The following PACS1 variants were observed in gnomAD, a reference collection of about 807,000 sequenced individuals.
The protein encoded by PACS1 is phosphofurin acidic cluster sorting protein 1.
PACS1 carries 24 observed loss-of-function variants against 115.0 expected under a neutral mutation model. The ratio of observed to expected loss-of-function variants is 0.21; its 90% CI spans 0.15 to 0.29. PACS1 has a LOEUF of 0.29. Ranked by LOEUF, PACS1 falls within the 10% of genes least tolerant of loss-of-function variation. The probability of loss-of-function intolerance (pLI) is 1.00; values close to 1 mark genes in which losing one functional copy is unlikely to be tolerated. For synonymous variants in PACS1, 453 were observed against 504.5 expected, an observed-to-expected ratio of 0.90 and a Z score of 1.37; for missense variants, 838 against 1,251.2, an observed-to-expected ratio of 0.67 and a Z score of 4.98.
At chr11:66,134,125 C>T (rs956204476) in intron 1 of PACS1, among the ~76,000 whole-genome samples, 1 of 152,006 alleles carries the variant, frequency 6.6e-6, no homozygotes, top group African/African-American at 2.4e-5. Context: ...TCCCCATTAG[C>T]GTAATTCCCC....
chr11:66,109,033 C>T (rs1005828111), intron 1 of PACS1, among the ~76,000 whole-genome samples: 1 of 152,182 alleles, frequency 6.6e-6, no homozygotes, highest in Non-Finnish European at 1.5e-5. Flanking sequence ...CAAGTGATAC[C>T]TCTTTGACTG....
rs200066946 is a variant in PACS1, at chr11:66,170,909, CA to C, written c.357-22561del. Among the ~76,000 whole-genome samples the C allele has an allele frequency of 0.018, 1,687 of 94,374 alleles. 81 individuals carry two copies. In the East Asian group the frequency reaches 0.22, roughly 12 times the overall value. 61.9% of individuals were successfully genotyped at this position (94,374 alleles called of 152,430 possible). A position where few individuals can be genotyped will look rare whatever the true frequency, so the allele number is the denominator to read the frequency against. ...TGGTTGACAGAAAAAAACCCTGTCT[CA>C]AAAAAAAAAAAAAAAGGAAATTTGT... On this transcript the variant is annotated intron_variant, in intron 1 of 23. Coordinates refer to ENST00000320580, the MANE Select transcript of PACS1 (RefSeq NM_018026.4).
chr11:66,219,691 T>TG (rs2134716318), intron 7 of PACS1, 55 bp from the exon 8 acceptor site: 1 of 1,367,946 alleles, frequency 7.3e-7, no homozygotes, highest in East Asian at 2.3e-5. Flanking sequence ...TTTATTGACT[T>TG]GAATTGACCC....
rs1489964600 is a variant in PACS1 at position 66,116,574 on chromosome 11, T to C, written c.356+45732T>C. On this transcript the variant is annotated intron_variant, in intron 1 of 23. Coordinates refer to ENST00000320580, the MANE Select transcript of PACS1 (RefSeq NM_018026.4). ...TTTGGAAATAGAGTGGTGAACAAAA[T>C]AGATGAACATCTCTGCCTTCATAGA... Among the ~76,000 whole-genome samples the C allele has an allele frequency of 2.6e-5, 4 of 152,188 alleles. No individual in the cohort carries two copies. In the East Asian group the frequency reaches 5.8e-4, roughly 22 times the overall value.
intron 1 of PACS1, among the ~76,000 whole-genome samples, chr11:66,081,562 G>A (rs1023646833): frequency 1.3e-4 from 20 of 152,168 alleles, no homozygotes; most frequent in Non-Finnish European, 2.5e-4. Flanking sequence ...CAAACCCCAA[G>A]CTTATTAGAC....
chr11:66,092,092 G>A (rs1466633651), intron 1 of PACS1, among the ~76,000 whole-genome samples: 4 of 152,074 alleles, frequency 2.6e-5, no homozygotes, highest in African/African-American at 2.4e-5. Flanking sequence ...CTGAGGAATC[G>A]CCACATTGAC....
At chr11:66,133,256 C>G (rs1243128478) in intron 1 of PACS1, among the ~76,000 whole-genome samples, 1 of 152,148 alleles carries the variant, frequency 6.6e-6, no homozygotes, top group Non-Finnish European at 1.5e-5. Context: ...TTATTTGTTG[C>G]ATTTATTCAT....
chr11:66,089,043 T>A (rs1857616379), intron 1 of PACS1, among the ~76,000 whole-genome samples: 1 of 152,218 alleles, frequency 6.6e-6, no homozygotes, highest in African/African-American at 2.4e-5. Context: ...GACTCTTTTT[T>A]AAGCTGTAGG....
intron 2 of PACS1, among the ~76,000 whole-genome samples, chr11:66,210,067 G>A (rs1855035423): frequency 6.6e-6 from 1 of 151,116 alleles, no homozygotes; most frequent in Non-Finnish European, 1.5e-5. Context: ...GTCTCTCTCT[G>A]TCACCCAGGC....
At position 66,234,163 on chromosome 11, in the gene PACS1, A is replaced by G. The variant is rs1171391440; in HGVS notation, c.2025A>G (p.Ser675=). 1 of 1,613,990 alleles carries G rather than the reference A, an allele frequency of 6.2e-7. No individual in the cohort carries two copies. ...GSHPVAKYLG[S]VDSKYSSSFL... is the part of the protein sequence containing the mutation. ...ACCCTGTGGCCAAATACTTGGGGTC[A>G]GTCGACAGTAAATACAGTAGTTCCT... is the stretch of plus-strand genomic sequence containing the variant. Residue 675 remains serine, a synonymous_variant, in exon 17 of 24, where the codon TCA becomes TCG. Transcript: ENST00000320580.
chr11:66,153,707 G>A (rs749882423), intron 1 of PACS1, among the ~76,000 whole-genome samples: 14 of 152,136 alleles, frequency 9.2e-5, no homozygotes, highest in Non-Finnish European at 1.6e-4. Flanking sequence ...CGTGAACCCG[G>A]GAGACGGAGC....
At chr11:66,218,697 T>TA (rs1413096875) in intron 7 of PACS1, 1 of 151,964 alleles carries the variant, frequency 6.6e-6, no homozygotes, top group African/African-American at 2.4e-5. Context: ...CCGTCTCTAC[T>TA]AAAAATACAA....
chr11:66,193,938 A>G (rs1854588919), intron 2 of PACS1, among the ~76,000 whole-genome samples: 1 of 152,126 alleles, frequency 6.6e-6, no homozygotes, highest in Non-Finnish European at 1.5e-5. Flanking sequence ...AGGTAGATGC[A>G]CGGGTATGGG....
At chr11:66,237,014 G>A (rs1329070932) in intron 19 of PACS1, among the ~76,000 whole-genome samples, 3 of 152,190 alleles carry the variant, frequency 2.0e-5, no homozygotes, top group African/African-American at 4.8e-5. Context: ...CGCCTCCCAG[G>A]TTCAAGTGAT....
chr11:66,131,504 C>G (rs1858702833), intron 1 of PACS1, among the ~76,000 whole-genome samples: 1 of 152,178 alleles, frequency 6.6e-6, no homozygotes, highest in Non-Finnish European at 1.5e-5. Flanking sequence ...ATGTCTTCTT[C>G]TGTCCCTCAT....
intron 1 of PACS1, among the ~76,000 whole-genome samples, chr11:66,165,942 G>T (rs892761266): frequency 6.6e-6 from 1 of 151,932 alleles, no homozygotes; most frequent in South Asian, 2.1e-4. Context: ...CCTGGGCCAC[G>T]CCACAGCCTC....
At chr11:66,194,740 A>G (rs1320030565) in intron 2 of PACS1, among the ~76,000 whole-genome samples, 1 of 152,196 alleles carries the variant, frequency 6.6e-6, no homozygotes, top group African/African-American at 2.4e-5. Context: ...AGCAAACTGT[A>G]TGATAACTCC....
intron 1 of PACS1, among the ~76,000 whole-genome samples, chr11:66,131,738 G>T (rs1208807225): frequency 6.6e-6 from 1 of 151,796 alleles, no homozygotes; most frequent in Non-Finnish European, 1.5e-5. Context: ...GACCAGCCTG[G>T]GCAACATAGC....
intron 1 of PACS1, among the ~76,000 whole-genome samples, chr11:66,096,653 G>T (rs11227405): frequency 9.2e-5 from 14 of 151,724 alleles, no homozygotes; most frequent in Non-Finnish European, 1.8e-4. Flanking sequence ...ACAGGCATGC[G>T]CCACCATGCC....
Sources: gnomAD v4.1 joint callset for allele counts (sites outside exome capture counted in the v4.1 genomes callset) on GRCh38, gnomAD v4.1.1 for gene constraint, MANE v1.5 for transcripts, NCBI Gene and HGNC (gene_info 2026-07-23, HGNC 2026-07-21) for gene names.